GLRA2: variants seen among roughly 807,000 people sequenced by gnomAD.
GLRA2 encodes the protein glycine receptor alpha 2, also known as glycine receptor subunit alpha-2.
Under a neutral mutation model 31.6 loss-of-function variants are expected in GLRA2, and 11 were observed. The observed-to-expected ratio is 0.35, with a 90% CI of 0.22 to 0.58. The LOEUF (loss-of-function observed/expected upper bound fraction) is 0.58. GLRA2 is among the 20% of genes least tolerant of loss of function. The pLI is 0.84. For synonymous variants in GLRA2, 132 were observed against 134.0 expected, an observed-to-expected ratio of 0.99 and a Z score of 0.10; for missense variants, 212 against 351.8, an observed-to-expected ratio of 0.60 and a Z score of 3.18.
chrX:14,660,208 T>C (rs1329684874), intron 7 of GLRA2, among the ~76,000 whole-genome samples: 1 of 111,872 alleles, frequency 8.9e-6, no homozygotes, highest in Admixed American at 9.5e-5. Context: ...TTAAATAGTA[T>C]GGTCAGGGTA....
chrX:14,460,819 A>G, the GLRA2 span, among the ~76,000 whole-genome samples: 33 of 110,530 alleles, frequency 3.0e-4, no homozygotes, highest in Admixed American at 6.8e-4. Context: ...TCCTGGATTC[A>G]TTGATTTTTT....
chrX:14,467,579 T>A, the GLRA2 span, among the ~76,000 whole-genome samples: 7 of 112,402 alleles, frequency 6.2e-5, no homozygotes, highest in South Asian at 1.5e-3. Context: ...TAAGTGGTGG[T>A]AAACAACAAA....
chrX:14,559,611 G>C (rs1446258430), intron 2 of GLRA2, among the ~76,000 whole-genome samples: 1 of 107,815 alleles, frequency 9.3e-6, no homozygotes, highest in Non-Finnish European at 1.9e-5. Flanking sequence ...TAGAGACGGA[G>C]TTTTGCCATG....
At chrX:14,661,863 ACT>A (rs2090993562) in intron 7 of GLRA2, among the ~76,000 whole-genome samples, 1 of 85,085 alleles carries the variant, frequency 1.2e-5, no homozygotes, top group Non-Finnish European at 2.3e-5. Flanking sequence ...ACAGAGTGAG[ACT>A]CTGTCTCAGA....
chrX:14,725,531 C>A (rs1031480009), intron 8 of GLRA2, among the ~76,000 whole-genome samples: 1 of 111,750 alleles, frequency 8.9e-6, no homozygotes, highest in Admixed American at 9.5e-5. Context: ...GTGAGAAATG[C>A]GATGGAAAGA....
chrX:14,611,351 A>G (rs1171832958), intron 7 of GLRA2, among the ~76,000 whole-genome samples: 1 of 112,994 alleles, frequency 8.9e-6, no homozygotes, highest in Non-Finnish European at 1.9e-5. Context: ...AAGACAGAAA[A>G]CACAGAAAAC....
the GLRA2 span, among the ~76,000 whole-genome samples, chrX:14,457,052 C>T: frequency 8.9e-6 from 1 of 111,860 alleles, no homozygotes; most frequent in African/African-American, 3.2e-5. Flanking sequence ...ATTAGCCATC[C>T]TAACTGGGAT....
At chrX:14,626,350 A>C (rs991441931) in intron 7 of GLRA2, among the ~76,000 whole-genome samples, 2 of 112,315 alleles carry the variant, frequency 1.8e-5, no homozygotes, top group Non-Finnish European at 3.8e-5. Context: ...GTTATTTTCT[A>C]GACTGTGAAA....
chrX:14,636,453 C>G (rs2147124175), intron 7 of GLRA2, among the ~76,000 whole-genome samples: 1 of 111,022 alleles, frequency 9.0e-6, no homozygotes, highest in African/African-American at 3.3e-5. Context: ...AACATATAAT[C>G]CCAGTCTAAT....
At chrX:14,469,853 T>TA in the GLRA2 span, among the ~76,000 whole-genome samples, 13 of 108,528 alleles carry the variant, frequency 1.2e-4, no homozygotes, top group South Asian at 4.0e-4. Context: ...AATAATAATT[T>TA]AAAAAAAAAC....
At chrX:14,484,130 G>GTA in the GLRA2 span, among the ~76,000 whole-genome samples, 43 of 111,521 alleles carry the variant, frequency 3.9e-4, no homozygotes, top group African/African-American at 1.2e-3. Flanking sequence ...TCATTTGTAT[G>GTA]TATATATATT....
intron 4 of GLRA2, among the ~76,000 whole-genome samples, chrX:14,584,963 G>A (rs1210995706): frequency 1.8e-5 from 2 of 111,271 alleles, no homozygotes; most frequent in Non-Finnish European, 3.8e-5. Flanking sequence ...CTAGAATCAT[G>A]AAGAGTATGA....
the GLRA2 span, among the ~76,000 whole-genome samples, chrX:14,469,589 G>T: frequency 9.6e-6 from 1 of 103,907 alleles, no homozygotes; most frequent in Non-Finnish European, 2.0e-5. Context: ...GTAAACTATC[G>T]CAAGAACAAA....
chrX:14,637,699 C>T (rs959956657), intron 7 of GLRA2, among the ~76,000 whole-genome samples: 6 of 111,657 alleles, frequency 5.4e-5, no homozygotes, highest in African/African-American at 1.6e-4. Context: ...CTTCCCCAAG[C>T]CCCACTGGGA....
intron 2 of GLRA2, among the ~76,000 whole-genome samples, chrX:14,563,348 G>C (rs781125462): frequency 8.9e-6 from 1 of 112,099 alleles, no homozygotes; most frequent in Non-Finnish European, 1.9e-5. Flanking sequence ...TAAAATTCTA[G>C]TTGAACACAG....
At chrX:14,513,886 A>G in the GLRA2 span, among the ~76,000 whole-genome samples, 11 of 112,013 alleles carry the variant, frequency 9.8e-5, no homozygotes, top group Admixed American at 1.0e-3. Context: ...AAGTAGAATT[A>G]CCATTTGATC....
chrX:14,625,357 A>T (rs1490870817), intron 7 of GLRA2, among the ~76,000 whole-genome samples: 1 of 111,065 alleles, frequency 9.0e-6, no homozygotes, highest in African/African-American at 3.3e-5. Context: ...ATTTAAGGTT[A>T]ATATTGTTAT....
At chrX:14,708,214 C>T (rs970438360) in intron 8 of GLRA2, among the ~76,000 whole-genome samples, 2 of 111,621 alleles carry the variant, frequency 1.8e-5, no homozygotes, top group Admixed American at 9.5e-5. Flanking sequence ...CTACTCTCTG[C>T]TTCTGTGAGT....
chrX:14,631,020 C>T lies in GLRA2; in HGVS notation c.930+21815C>T, dbSNP rs1461076179. Among the ~76,000 whole-genome samples, 5 of 110,234 alleles carry T rather than the reference C, an allele frequency of 4.5e-5. No individual in the cohort carries two copies. The Admixed American group carries it at 4.9e-4, about 11-fold the overall frequency. On this transcript the variant is annotated intron_variant, in intron 7 of 8. Transcript: ENST00000218075. ...CTAATTCCATTCATGAGGGTGGAGT[C>T]CTCATTACTCAATCACTTCCCAATA...
Sources: gnomAD v4.1 joint callset for allele counts (sites outside exome capture counted in the v4.1 genomes callset) on GRCh38, gnomAD v4.1.1 for gene constraint, MANE v1.5 for transcripts, NCBI Gene and HGNC (gene_info 2026-07-23, HGNC 2026-07-21) for gene names.